The following NEB variants were observed in gnomAD, a reference collection of about 807,000 sequenced individuals.
NEB encodes nemaline myopathy type 2.
In NEB, 512 loss-of-function variants were observed where a neutral mutation model predicts 952.2. That is an observed-to-expected ratio of 0.54 (90% CI 0.50 to 0.58). The LOEUF (loss-of-function observed/expected upper bound fraction) is 0.58, where lower values mean the gene tolerates loss of function less well. NEB is among the 20% of genes least tolerant of loss of function. NEB has a pLI of 0.00. For missense variants in NEB, 8,428 were observed against 9,231.1 expected (o/e 0.91, Z 3.56); for synonymous variants, 2,900 against 3,149.8 (o/e 0.92, Z 2.66).
At chr2:151,512,207 AT>A (rs1282822020) in intron 161 of NEB, among the ~76,000 whole-genome samples, 3 of 150,562 alleles carry the variant, frequency 2.0e-5, no homozygotes, top group Admixed American at 6.6e-5. Flanking sequence ...ATTTTTGTGT[AT>A]TTTTTTTAGT....
intron 123 of NEB, 107 bp downstream of exon 123, chr2:151,560,897 C>A (rs1315461653): frequency 3.7e-6 from 3 of 807,398 alleles, no homozygotes; most frequent in South Asian, 1.9e-5. Context: ...CAGGAAAAAA[C>A]CATAGAAAAG....
Position 151,570,240 on chromosome 2 carries a change from C to A in NEB, c.17271G>T (p.Lys5757Asn), listed in dbSNP as rs953272752. ...YRLDWAKWKA[K>N]IQSPVDMLSI... ...AAAGCATGTCCACAGGGCTCTGGAT[C>A]TTGGCCTTCCATTTGGCCCAGTCCA... Residue 5757 changes from lysine (K) to asparagine (N), a missense_variant, in exon 109 of 182, where the codon AAG (lysine) becomes AAT (asparagine). By Grantham distance (94) the Lys-to-Asn change is moderately conservative. Around this residue, in one of 11 missense-constraint regions of NEB, gnomAD observed 3,374 missense variants for 3,651.5 expected, o/e 0.92. Transcript: ENST00000397345. 1 of 1,613,690 alleles carries A rather than the reference C, an allele frequency of 6.2e-7. No individual in the cohort carries two copies. The highest frequency in any genetic ancestry group is 1.3e-5 in the African/African-American group (1 of 74,918).
chr2:151,701,260 G>T (rs1177079173), intron 13 of NEB, among the ~76,000 whole-genome samples: 1 of 149,906 alleles, frequency 6.7e-6, no homozygotes, highest in Non-Finnish European at 1.5e-5. Flanking sequence ...TGCTGGATTC[G>T]TTTTGCCAGT....
chr2:151,569,408 T>C, intron 109 of NEB, 36 bp from the exon 110 acceptor site: 4 of 1,476,896 alleles, frequency 2.7e-6, no homozygotes, highest in Non-Finnish European at 3.8e-6. Context: ...TCAGCAACCC[T>C]GGTCATGTGG....
chr2:151,522,069 G>T (rs2082321801), intron 153 of NEB, among the ~76,000 whole-genome samples: 1 of 152,192 alleles, frequency 6.6e-6, no homozygotes, highest in Non-Finnish European at 1.5e-5. Flanking sequence ...GTCTCGGCAA[G>T]TGGCAGCCCC....
Position 151,633,929 on chromosome 2 carries a change from G to C in NEB, c.9139C>G (p.His3047Asp), listed in dbSNP as rs147168910. 1.2e-6 allele frequency: 2 copies of C among 1,613,616 alleles called. No individual in the cohort carries two copies. The highest frequency in any genetic ancestry group is 2.7e-5 in the African/African-American group (2 of 74,912). Reference protein sequence around the residue: ...YKDGYCKQLGHHIGARNIEDD... With the variant: ...YKDGYCKQLGDHIGARNIEDD... ...TCAATGTTCCGGGCTCCAATATGGT[G>C]GCCAAGTTGCTTGCAGTAACCATCT... is the stretch of plus-strand genomic sequence containing the variant. Residue 3047 changes from histidine (H) to aspartate (D), a missense_variant, in exon 65 of 182, where the codon CAC (histidine) becomes GAC (aspartate). Coordinates refer to ENST00000397345, the MANE Select transcript of NEB (RefSeq NM_001164508.2).
chr2:151,721,241 C>A (rs541102331), intron 9 of NEB, among the ~76,000 whole-genome samples: 78 of 152,278 alleles, frequency 5.1e-4, no homozygotes, highest in African/African-American at 1.8e-3. Context: ...ATCAAAATTA[C>A]TCCAGATTCT....
Position 151,531,050 on chromosome 2 carries a change from T to C in NEB, c.21574A>G (p.Ile7192Val). 3.7e-6 allele frequency: 6 copies of C among 1,613,666 alleles called. No homozygotes were observed. The highest frequency in any genetic ancestry group is 1.1e-5 in the South Asian group (1 of 90,994). ...TGCAGCAACATGGGTGTGTCGTGGATTGTGGTGTAGCCTCTGGGTTTGGCC... is the reference window on the plus strand; with the variant it reads ...TGCAGCAACATGGGTGTGTCGTGGACTGTGGTGTAGCCTCTGGGTTTGGCC... ...NKAKPRGYTT[I>V]HDTPMLLHVR... Residue 7192 changes from isoleucine to valine, a missense_variant, in exon 145 of 182, where the codon ATC becomes GTC. By Grantham distance (29) the Ile-to-Val change is conservative. Around this residue, in one of 11 missense-constraint regions of NEB, gnomAD observed 3,374 missense variants for 3,651.5 expected, o/e 0.92. Transcript: ENST00000397345.
In NEB at chr2:151,710,543, AAAAAAG is replaced by A; in HGVS notation, c.823-11_823-6del. 2 of 1,550,452 alleles carry A rather than the reference AAAAAAG, an allele frequency of 1.3e-6. No homozygotes were observed. The highest frequency in any genetic ancestry group is 1.8e-6 in the Non-Finnish European group (2 of 1,130,966). On this transcript the variant is annotated splice_region_variant and splice_polypyrimidine_tract_variant and intron_variant, in intron 10 of 181. Transcript: ENST00000397345. ...ATAGTCTTCTTTGTATTTTTGCTAG[AAAAAAG>A]AAAAAGAAAATAAGACAAGCATAAC...
intron 144 of NEB, 82 bp downstream of exon 144, chr2:151,531,710 C>T (rs1344412201): frequency 9.2e-6 from 10 of 1,092,860 alleles, no homozygotes; most frequent in Non-Finnish European, 1.4e-6. Flanking sequence ...GTCTCCCAGA[C>T]TTTGTGACAA....
chr2:151,568,903 C>A (rs1175729345), intron 110 of NEB, among the ~76,000 whole-genome samples, 187 bp from the exon 111 acceptor site: 1 of 152,116 alleles, frequency 6.6e-6, no homozygotes, highest in Non-Finnish European at 1.5e-5. Flanking sequence ...GCTTCTTATG[C>A]CTCCCACAGA....
At chr2:151,695,965 G>T (rs77385846) in intron 17 of NEB, among the ~76,000 whole-genome samples, 1 of 152,148 alleles carries the variant, frequency 6.6e-6, no homozygotes, top group Non-Finnish European at 1.5e-5. Flanking sequence ...GAGGGGCCCC[G>T]CCCTGTCTCT....
At chr2:151,724,796 G>T (rs890247601) in intron 7 of NEB, 61 bp downstream of exon 7, 10 of 1,412,748 alleles carry the variant, frequency 7.1e-6, no homozygotes, top group Non-Finnish European at 9.9e-6. Flanking sequence ...TCTCCTATAA[G>T]ACAATGCAGA....
rs1256344913 is a variant in NEB, at chr2:151,493,347, A to G, written c.24765+6T>C. ...TGCACTATTTCTTTTTAGTCCTAGA[A>G]AATACCGAGCTAATGTTTTCTTGGT... is the stretch of plus-strand genomic sequence containing the variant. On this transcript the variant is annotated splice_donor_region_variant and intron_variant, in intron 176 of 181. Coordinates refer to ENST00000397345, the MANE Select transcript of NEB (RefSeq NM_001164508.2). The G allele has an allele frequency of 6.3e-7, 1 of 1,599,968 alleles. No homozygotes were observed. Among genetic ancestry groups the G allele is most frequent in the Non-Finnish European group, 8.6e-7 (1 of 1,167,854 alleles).
intron 29 of NEB, among the ~76,000 whole-genome samples, chr2:151,681,525 C>A (rs1173998011): frequency 6.6e-6 from 1 of 152,204 alleles, no homozygotes; most frequent in Non-Finnish European, 1.5e-5. Context: ...CATCATCACT[C>A]TTTCGGCTTC....
intron 154 of NEB, 136 bp downstream of exon 154, chr2:151,519,522 A>G (rs2080489256): frequency 1.4e-6 from 1 of 690,760 alleles, no homozygotes. Context: ...TTCTGTTGGT[A>G]TGAAAACATT....
rs1157483366 is a variant in NEB at position 151,643,971 on chromosome 2, G to T, written c.7803C>A (p.Ser2601Arg). 1 of 1,613,960 alleles carries T rather than the reference G, an allele frequency of 6.2e-7. No homozygotes were observed. The highest frequency in any genetic ancestry group is 1.1e-5 in the South Asian group (1 of 91,076). Residue 2601 changes from serine (S) to arginine (R), a missense_variant, in exon 57 of 182, where the codon AGC (serine) becomes AGA (arginine). By Grantham distance (110) the Ser-to-Arg change is moderately radical (BLOSUM62 -1). Around this residue, in one of 11 missense-constraint regions of NEB, gnomAD observed 1,772 missense variants for 1,960.3 expected, o/e 0.90. Coordinates refer to ENST00000397345, the MANE Select transcript of NEB (RefSeq NM_001164508.2). ...CCACCCCCAGCATGTCCACTGGGCT[G>T]CTGAACTTGGTCTTCCACTTCTCAA... Reference protein sequence around the residue: ...KDFEKWKTKFSSPVDMLGVVL... With the variant: ...KDFEKWKTKFRSPVDMLGVVL...
chr2:151,664,411 T>C, intron 44 of NEB, 90 bp downstream of exon 44: 1 of 942,786 alleles, frequency 1.1e-6, no homozygotes, highest in Non-Finnish European at 1.5e-6. Context: ...CAACCCTGAA[T>C]GGAGCTGACC....
At chr2:151,544,604 G>A (rs929072371) in intron 135 of NEB, among the ~76,000 whole-genome samples, 1 of 152,194 alleles carries the variant, frequency 6.6e-6, no homozygotes, top group Non-Finnish European at 1.5e-5. Flanking sequence ...AGTGCGGGCT[G>A]AAATAACACA....
Sources: gnomAD v4.1 joint callset for allele counts (sites outside exome capture counted in the v4.1 genomes callset) on GRCh38, gnomAD v4.1.1 for gene constraint, gnomAD v4.1.1 regional missense constraint, MANE v1.5 for transcripts, NCBI Gene and HGNC (gene_info 2026-07-23, HGNC 2026-07-21) for gene names.